The following PFKFB3 variants were observed in gnomAD, a reference collection of about 807,000 sequenced individuals.
The protein encoded by PFKFB3 is 6-phosphofructo-2-kinase/fructose-2,6-bisphosphatase 3.
Under a neutral mutation model 68.0 loss-of-function variants are expected in PFKFB3, and 33 were observed. That is an observed-to-expected ratio of 0.49 (90% CI 0.37 to 0.65). The LOEUF is 0.65. Among genes scored for constraint, PFKFB3 ranks in the 30% least tolerant of loss-of-function variants. The pLI is 0.00. For synonymous variants in PFKFB3, 315 were observed against 288.2 expected, an observed-to-expected ratio of 1.09 and a Z score of -0.94; for missense variants, 586 against 712.2, an observed-to-expected ratio of 0.82 and a Z score of 2.02.
chr10:6,311,186 C>T, the PFKFB3 span, among the ~76,000 whole-genome samples: 1 of 152,194 alleles, frequency 6.6e-6, no homozygotes, highest in African/African-American at 2.4e-5. Context: ...CTGCCCTTGA[C>T]AGAAAAGAGA....
chr10:6,211,491 T>C (rs1844228918), intron 1 of PFKFB3, among the ~76,000 whole-genome samples: 1 of 152,146 alleles, frequency 6.6e-6, no homozygotes, highest in South Asian at 2.1e-4. Flanking sequence ...ATGGGTATTG[T>C]TTCCAAGGAG....
the PFKFB3 span, among the ~76,000 whole-genome samples, chr10:6,307,018 T>G: frequency 1.3e-5 from 2 of 152,156 alleles, no homozygotes. Flanking sequence ...CAGGCCACCC[T>G]CCCTGATGTG....
chr10:6,178,673 G>T (rs1395641261), intron 1 of PFKFB3, among the ~76,000 whole-genome samples: 1 of 152,164 alleles, frequency 6.6e-6, no homozygotes, highest in Non-Finnish European at 1.5e-5. Flanking sequence ...TTTTCCCCGG[G>T]GCCAGGGTGG....
downstream of PFKFB3, among the ~76,000 whole-genome samples, chr10:6,255,948 C>T (rs530823204): frequency 6.3e-4 from 96 of 152,252 alleles, no homozygotes; most frequent in African/African-American, 2.1e-3. Context: ...CTGGGCTCGC[C>T]GTGGTTCTAA....
At chr10:6,264,650 C>T in the PFKFB3 span, among the ~76,000 whole-genome samples, 1 of 152,132 alleles carries the variant, frequency 6.6e-6, no homozygotes, top group Non-Finnish European at 1.5e-5. Context: ...ACCCCTTGTT[C>T]CCTTTACTCA....
At chr10:6,321,122 C>T in the PFKFB3 span, among the ~76,000 whole-genome samples, 1 of 152,064 alleles carries the variant, frequency 6.6e-6, no homozygotes, top group Non-Finnish European at 1.5e-5. Context: ...CAAAGCCTTC[C>T]CTCTGGGCCT....
intron 1 of PFKFB3, among the ~76,000 whole-genome samples, chr10:6,184,016 G>C (rs887652698): frequency 6.7e-6 from 1 of 149,742 alleles, no homozygotes; most frequent in Non-Finnish European, 1.5e-5. Flanking sequence ...TACATGACAG[G>C]CATGAGCATC....
At chr10:6,213,101 G>C (rs1393134959) in intron 1 of PFKFB3, among the ~76,000 whole-genome samples, 2 of 152,138 alleles carry the variant, frequency 1.3e-5, no homozygotes, top group Non-Finnish European at 2.9e-5. Flanking sequence ...AGGAATTTGG[G>C]GTTGGGACTG....
At chr10:6,203,421 CT>C in intron 1 of PFKFB3, 85 bp downstream of exon 1, 7 of 978,290 alleles carry the variant, frequency 7.2e-6, no homozygotes, top group Non-Finnish European at 9.8e-6. Context: ...GCCGACGCCC[CT>C]CTGCGGGGGG....
At position 6,203,230 on chromosome 10, in the gene PFKFB3, G is replaced by C; in HGVS notation, c.-31G>C. 6.2e-7 allele frequency: 1 copy of C among 1,602,550 alleles called. No individual in the cohort carries two copies. The highest frequency in any genetic ancestry group is 8.5e-7 in the Non-Finnish European group (1 of 1,175,520). On this transcript the variant is annotated 5_prime_UTR_variant, in exon 1 of 15. Coordinates refer to ENST00000379775, the MANE Select transcript of PFKFB3 (RefSeq NM_004566.4). ...CTGCCAGCGTCGGGATCTCGGCCCC[G>C]GGAGGCGGGCCGTCGGGCGCAGCCG...
Position 6,215,231 on chromosome 10 carries a change from C to T in PFKFB3, c.213C>T (p.Val71=), listed in dbSNP as rs374201933. The change falls in exon 3 of 15, where the codon GTC becomes GTT. Residue 71 remains valine, a synonymous_variant. Coordinates refer to ENST00000379775, the MANE Select transcript of PFKFB3 (RefSeq NM_004566.4). The surrounding 1 kb of genome is among the most constrained non-coding windows in gnomAD (Gnocchi z 4.3). ...CTTTCCCGTCCACAGTGTTCAACGT[C>T]GGGGAGTATCGCCGGGAGGCTGTGA... ...WIGVPTKVFN[V]GEYRREAVKQ... 3.8e-5 allele frequency: 61 copies of T among 1,613,662 alleles called. No homozygotes were observed. The highest frequency in any genetic ancestry group is 1.3e-4 in the Admixed American group (8 of 59,994).
chr10:6,189,336 T>C (rs1253511494), intron 1 of PFKFB3, among the ~76,000 whole-genome samples: 3 of 152,170 alleles, frequency 2.0e-5, no homozygotes, highest in Non-Finnish European at 4.4e-5. Flanking sequence ...TTTTTTAGAA[T>C]ATCCTTAGTT....
the PFKFB3 span, among the ~76,000 whole-genome samples, chr10:6,292,450 A>C: frequency 2.0e-5 from 3 of 148,696 alleles, no homozygotes; most frequent in African/African-American, 5.1e-5. Flanking sequence ...ACACCCAGCT[A>C]ATTTTTTTGT....
intron 8 of PFKFB3, 97 bp from the exon 9 acceptor site, chr10:6,221,284 G>C: frequency 1.4e-6 from 2 of 1,450,720 alleles, no homozygotes; most frequent in Admixed American, 2.0e-5. Flanking sequence ...GTGTAACCAG[G>C]TAGTGCACAG....
At chr10:6,283,241 T>G in the PFKFB3 span, among the ~76,000 whole-genome samples, 8 of 152,198 alleles carry the variant, frequency 5.3e-5, no homozygotes, top group Non-Finnish European at 2.9e-5. Flanking sequence ...GTGCTGGGAT[T>G]ACAGGAGTGA....
At chr10:6,226,572 C>A in intron 14 of PFKFB3, 1 of 561,810 alleles carries the variant, frequency 1.8e-6, no homozygotes, top group Non-Finnish European at 3.1e-6. Flanking sequence ...GAAGCACCCT[C>A]CGAAGTTAAG....
intron 1 of PFKFB3, among the ~76,000 whole-genome samples, chr10:6,172,093 C>T: frequency 6.6e-6 from 1 of 152,254 alleles, no homozygotes. Context: ...CTGACGCATT[C>T]TCCCGGAACA....
intron 10 of PFKFB3, among the ~76,000 whole-genome samples, chr10:6,221,949 T>C (rs1557112): frequency 0.26 from 39,677 of 152,090 alleles, 5,257 homozygotes; most frequent in Middle Eastern, 0.33. Context: ...GTGAGATGTG[T>C]TTCCCTAGGG....
the PFKFB3 span, among the ~76,000 whole-genome samples, chr10:6,309,753 G>A: frequency 6.6e-6 from 1 of 152,132 alleles, no homozygotes; most frequent in Non-Finnish European, 1.5e-5. Flanking sequence ...AAATAATCAG[G>A]AATGGGGGAG....
Sources: gnomAD v4.1 joint callset for allele counts (sites outside exome capture counted in the v4.1 genomes callset) on GRCh38, gnomAD v4.1.1 for gene constraint, Gnocchi (gnomAD v3.1) non-coding constraint, MANE v1.5 for transcripts, NCBI Gene and HGNC (gene_info 2026-07-23, HGNC 2026-07-21) for gene names.